Variants in CTDSPL observed in about 807,000 individuals in gnomAD.
CTDSPL encodes CTD small phosphatase-like protein.
A neutral mutation model predicts 30.5 loss-of-function variants in CTDSPL; 8 were observed. The observed-to-expected ratio is 0.26, with a 90% CI of 0.15 to 0.47. The LOEUF (loss-of-function observed/expected upper bound fraction) is 0.47. Ranked by LOEUF, CTDSPL falls within the 20% of genes least tolerant of loss-of-function variation. The pLI, the probability that CTDSPL is intolerant of heterozygous loss-of-function variation, is 0.99. For synonymous variants in CTDSPL, 110 were observed against 137.9 expected, an observed-to-expected ratio of 0.80 and a Z score of 1.42; for missense variants, 248 against 366.1, an observed-to-expected ratio of 0.68 and a Z score of 2.63.
chr3:37,968,000 A>G (rs1218359914), intron 5 of CTDSPL, 118 bp downstream of exon 5: 1 of 683,584 alleles, frequency 1.5e-6, no homozygotes, highest in Admixed American at 3.1e-5. Context: ...ATCAAAAGGA[A>G]GCATACTGTA....
chr3:37,926,201 G>A (rs933036181), intron 1 of CTDSPL, among the ~76,000 whole-genome samples: 1 of 152,146 alleles, frequency 6.6e-6, no homozygotes, highest in African/African-American at 2.4e-5. Context: ...AAATTAAAAG[G>A]TACCACACAA....
chr3:37,907,990 C>T (rs1427242255), intron 1 of CTDSPL, among the ~76,000 whole-genome samples: 1 of 152,234 alleles, frequency 6.6e-6, no homozygotes, highest in African/African-American at 2.4e-5. Context: ...AACAGAAAGT[C>T]TGCAGGGTTT....
intron 1 of CTDSPL, among the ~76,000 whole-genome samples, chr3:37,878,729 T>C (rs996364052): frequency 2.0e-5 from 3 of 152,202 alleles, no homozygotes; most frequent in Non-Finnish European, 4.4e-5. Context: ...TCACTCTTTA[T>C]TTTAGTCACT....
chr3:37,950,049 A>G (rs1448536305), intron 2 of CTDSPL, among the ~76,000 whole-genome samples: 1 of 152,252 alleles, frequency 6.6e-6, no homozygotes, highest in Non-Finnish European at 1.5e-5. Context: ...AAGAGCTCGC[A>G]CTGCCCACAC....
Position 37,895,914 on chromosome 3 carries a change from G to A in CTDSPL, c.79+33636G>A, listed in dbSNP as rs925392147. ...TAGTGAACTGTAGTTAATGACAGGC[G>A]TATGTTTGAACATTTACAAAATAAA... On this transcript the variant is annotated intron_variant, in intron 1 of 7. Coordinates refer to ENST00000273179, the MANE Select transcript of CTDSPL (RefSeq NM_001008392.2). Among the ~76,000 whole-genome samples the A allele has an allele frequency of 8.5e-5, 13 of 152,154 alleles. No individual in the cohort carries two copies. In the South Asian group the frequency reaches 1.4e-3, roughly 17 times the overall value.
chr3:37,926,017 T>A (rs745484085), intron 1 of CTDSPL, among the ~76,000 whole-genome samples: 4 of 152,226 alleles, frequency 2.6e-5, no homozygotes, highest in Non-Finnish European at 5.9e-5. Flanking sequence ...TGTTCACTTA[T>A]CTATTCCACA....
At chr3:37,875,167 G>A (rs986038155) in intron 1 of CTDSPL, among the ~76,000 whole-genome samples, 10 of 152,170 alleles carry the variant, frequency 6.6e-5, no homozygotes, top group African/African-American at 2.4e-4. Context: ...GCACTGGGTT[G>A]GGATGTGGAC....
At chr3:37,955,870 G>A (rs1197580339) in intron 2 of CTDSPL, among the ~76,000 whole-genome samples, 1 of 152,056 alleles carries the variant, frequency 6.6e-6, no homozygotes, top group Non-Finnish European at 1.5e-5. Context: ...TATGTCCTCC[G>A]CCAAGTATGT....
intron 3 of CTDSPL, among the ~76,000 whole-genome samples, 167 bp from the exon 4 acceptor site, chr3:37,964,404 C>T (rs547909829): frequency 2.0e-4 from 31 of 152,170 alleles, no homozygotes; most frequent in Non-Finnish European, 4.4e-4. Context: ...CAGATCGTGG[C>T]ACCGTATTTG....
At chr3:37,914,072 GTA>G (rs2125607195) in intron 1 of CTDSPL, among the ~76,000 whole-genome samples, 1 of 152,282 alleles carries the variant, frequency 6.6e-6, no homozygotes, top group South Asian at 2.1e-4. Context: ...CATGAACATA[GTA>G]TATCCCTCCA....
intron 3 of CTDSPL, among the ~76,000 whole-genome samples, chr3:37,962,932 C>G (rs1553686937): frequency 6.6e-6 from 1 of 152,248 alleles, no homozygotes; most frequent in Non-Finnish European, 1.5e-5. Context: ...CCCACATTCT[C>G]TCTACTATGT....
At chr3:37,908,750 TCCACTAGCA>T (rs1271381170) in intron 1 of CTDSPL, among the ~76,000 whole-genome samples, 1 of 152,256 alleles carries the variant, frequency 6.6e-6, no homozygotes, top group African/African-American at 2.4e-5. Context: ...AATTTACACT[TCCACTAGCA>T]GTGTGTTCTT....
chr3:37,932,628 T>C (rs1228717446), intron 1 of CTDSPL, among the ~76,000 whole-genome samples: 2 of 152,232 alleles, frequency 1.3e-5, no homozygotes, highest in East Asian at 3.8e-4. Flanking sequence ...GAGTTGCTGT[T>C]TTTACCTTTC....
chr3:37,884,190 T>C (rs1389551061), intron 1 of CTDSPL, among the ~76,000 whole-genome samples: 3 of 151,752 alleles, frequency 2.0e-5, no homozygotes, highest in African/African-American at 4.8e-5. Context: ...AAAAAATCAA[T>C]AGGGGACAAG....
chr3:37,918,917 G>A (rs138272731), intron 1 of CTDSPL, among the ~76,000 whole-genome samples: 1 of 152,106 alleles, frequency 6.6e-6, no homozygotes, highest in Non-Finnish European at 1.5e-5. Flanking sequence ...GGGACATTGT[G>A]GGGAGCCGTG....
intron 1 of CTDSPL, chr3:37,944,945 A>T (rs997795247): frequency 6.7e-6 from 1 of 150,202 alleles, no homozygotes; most frequent in Non-Finnish European, 1.5e-5. Flanking sequence ...ACTGGTTCCA[A>T]GTTTATGAAT....
intron 1 of CTDSPL, among the ~76,000 whole-genome samples, chr3:37,933,641 A>G (rs1173716103): frequency 6.6e-6 from 1 of 152,186 alleles, no homozygotes; most frequent in Non-Finnish European, 1.5e-5. Context: ...CAAGTTTTCT[A>G]ACTTCTCTGG....
intron 1 of CTDSPL, among the ~76,000 whole-genome samples, chr3:37,894,148 C>T (rs909728224): frequency 2.0e-5 from 3 of 152,074 alleles, no homozygotes; most frequent in African/African-American, 7.2e-5. Flanking sequence ...GTAGCACAAT[C>T]GTAGCTCACT....
At chr3:37,898,820 C>A (rs1020011454) in intron 1 of CTDSPL, among the ~76,000 whole-genome samples, 46 of 152,088 alleles carry the variant, frequency 3.0e-4, no homozygotes, top group Non-Finnish European at 1.3e-4. Flanking sequence ...AAATAGAGAA[C>A]TGTGATAGAA....
Sources: gnomAD v4.1 joint callset for allele counts (sites outside exome capture counted in the v4.1 genomes callset) on GRCh38, gnomAD v4.1.1 for gene constraint, MANE v1.5 for transcripts, NCBI Gene and HGNC (gene_info 2026-07-23, HGNC 2026-07-21) for gene names.